LRMDA: variants seen among roughly 807,000 people sequenced by gnomAD.
The protein encoded by LRMDA is leucine rich melanocyte differentiation associated, also known as leucine-rich melanocyte differentiation-associated protein.
LRMDA carries 18 observed loss-of-function variants against 29.8 expected under a neutral mutation model. The ratio of observed to expected loss-of-function variants is 0.60; its 90% CI spans 0.42 to 0.90. LRMDA has a LOEUF of 0.90. Ranked by LOEUF, LRMDA falls within the 40% of genes least tolerant of loss-of-function variation. The pLI is 0.00. For missense variants in LRMDA, 273 were observed against 273.9 expected, an observed-to-expected ratio of 1.00 and a Z score of 0.02; for synonymous variants, 125 against 109.4, an observed-to-expected ratio of 1.14 and a Z score of -0.89.
At chr10:76,484,876 T>A (rs2132329864) in intron 6 of LRMDA, among the ~76,000 whole-genome samples, 1 of 152,004 alleles carries the variant, frequency 6.6e-6, no homozygotes, top group Non-Finnish European at 1.5e-5. Context: ...GAGAATTCAC[T>A]CTTTTACCAT....
At chr10:76,110,658 T>A (rs1849562333) in intron 5 of LRMDA, among the ~76,000 whole-genome samples, 1 of 152,184 alleles carries the variant, frequency 6.6e-6, no homozygotes, top group Non-Finnish European at 1.5e-5. Flanking sequence ...CCTCATGAGA[T>A]CTGATGGTTT....
intron 2 of LRMDA, among the ~76,000 whole-genome samples, chr10:75,527,907 C>T (rs1845432060): frequency 6.6e-6 from 1 of 151,866 alleles, no homozygotes; most frequent in Admixed American, 6.6e-5. Flanking sequence ...TTCGGCCTCC[C>T]AAGGAACTTA....
rs865793625 is a variant in LRMDA at position 76,243,151 on chromosome 10, G to A, written c.517-81250G>A. On this transcript the variant is annotated intron_variant, in intron 5 of 6. Coordinates refer to ENST00000611255, the MANE Select transcript of LRMDA (RefSeq NM_001305581.2). ...CCAGTGATTCTCCCGTCCGTATCAC[G>A]ACAAGCCTCGGAGTGAACTGTTTAT... Among the ~76,000 whole-genome samples, 10 of 152,248 alleles carry A rather than the reference G, an allele frequency of 6.6e-5. 1 individual carries two copies. The highest frequency in any genetic ancestry group is 6.8e-3 in the Middle Eastern group (2 of 294).
intron 6 of LRMDA, among the ~76,000 whole-genome samples, chr10:76,371,144 T>G (rs915454071): frequency 6.6e-6 from 1 of 152,170 alleles, no homozygotes; most frequent in African/African-American, 2.4e-5. Flanking sequence ...TTTCAGACAT[T>G]AGATAAGTCA....
At chr10:76,466,418 C>T (rs1024463069) in intron 6 of LRMDA, among the ~76,000 whole-genome samples, 2 of 151,902 alleles carry the variant, frequency 1.3e-5, no homozygotes, top group African/African-American at 2.4e-5. Flanking sequence ...TGTCCGCTGG[C>T]AAAAAAGAAG....
At chr10:76,317,735 A>G (rs1840718231) in intron 5 of LRMDA, among the ~76,000 whole-genome samples, 1 of 152,050 alleles carries the variant, frequency 6.6e-6, no homozygotes, top group Admixed American at 6.6e-5. Flanking sequence ...CACCACACCC[A>G]GCTAATTTTT....
At chr10:76,306,281 A>G (rs976055229) in intron 5 of LRMDA, among the ~76,000 whole-genome samples, 1 of 152,262 alleles carries the variant, frequency 6.6e-6, no homozygotes, top group African/African-American at 2.4e-5. Context: ...ATCCTGATAT[A>G]GACACTGAGA....
chr10:76,251,852 G>T (rs1343917542), intron 5 of LRMDA, among the ~76,000 whole-genome samples: 1 of 152,166 alleles, frequency 6.6e-6, no homozygotes, highest in Non-Finnish European at 1.5e-5. Context: ...TGCCGTGAGG[G>T]CTGTAAACAG....
At chr10:76,159,247 A>G (rs533544613) in intron 5 of LRMDA, among the ~76,000 whole-genome samples, 1 of 152,286 alleles carries the variant, frequency 6.6e-6, no homozygotes, top group African/African-American at 2.4e-5. Context: ...CCATGTTTGG[A>G]CCCTATTTTG....
In LRMDA at chr10:76,458,125, CA is replaced by C. The variant is rs66952051; in HGVS notation, c.602-99070del. ...TTTTCTTTCACACTCCTAGTGCTTT[CA>C]AAAAAAAAAAAAACTTGGCTGTTTA... On this transcript the variant is annotated intron_variant, in intron 6 of 6. Transcript: ENST00000611255. Among the ~76,000 whole-genome samples, 320 of 140,106 alleles carry C rather than the reference CA, an allele frequency of 2.3e-3. 1 individual carries two copies. The highest frequency in any genetic ancestry group is 7.7e-3 in the Middle Eastern group (2 of 260). The allele number at this position is 140,106 out of a possible 152,430, so 91.9% of individuals were successfully genotyped here.
At chr10:76,112,539 C>T (rs1849597938) in intron 5 of LRMDA, among the ~76,000 whole-genome samples, 1 of 152,240 alleles carries the variant, frequency 6.6e-6, no homozygotes, top group Admixed American at 6.5e-5. Flanking sequence ...GCGCCTGACC[C>T]CAAGCCCGTC....
intron 2 of LRMDA, among the ~76,000 whole-genome samples, chr10:75,709,840 T>C (rs1244893160): frequency 6.6e-6 from 1 of 152,154 alleles, no homozygotes. Context: ...GGAATATGGA[T>C]TTGAGTGCTA....
intron 2 of LRMDA, among the ~76,000 whole-genome samples, chr10:75,440,596 TG>T (rs1844315129): frequency 6.6e-6 from 1 of 152,068 alleles, no homozygotes; most frequent in African/African-American, 2.4e-5. Flanking sequence ...TTTACCTAAT[TG>T]GAGGGAAGAG....
At chr10:75,837,567 T>C (rs1844462173) in intron 2 of LRMDA, among the ~76,000 whole-genome samples, 1 of 152,186 alleles carries the variant, frequency 6.6e-6, no homozygotes, top group African/African-American at 2.4e-5. Context: ...AGGACACATG[T>C]GGATTTGAAG....
At chr10:76,077,896 T>C (rs1848984276) in intron 5 of LRMDA, among the ~76,000 whole-genome samples, 2 of 151,496 alleles carry the variant, frequency 1.3e-5, no homozygotes, top group South Asian at 2.1e-4. Context: ...TGAAAGAAGA[T>C]GGTTTAGGTC....
At chr10:76,195,188 A>T (rs1203921798) in intron 5 of LRMDA, among the ~76,000 whole-genome samples, 1 of 152,220 alleles carries the variant, frequency 6.6e-6, no homozygotes, top group Non-Finnish European at 1.5e-5. Context: ...ATGTTGGTGA[A>T]ACAAAGGCTT....
intron 5 of LRMDA, among the ~76,000 whole-genome samples, chr10:76,081,503 T>C (rs566563000): frequency 6.6e-6 from 1 of 152,328 alleles, no homozygotes; most frequent in African/African-American, 2.4e-5. Context: ...TGTACATTTA[T>C]ATAAAATCAG....
intron 2 of LRMDA, among the ~76,000 whole-genome samples, chr10:75,999,559 C>G (rs2132467511): frequency 6.6e-6 from 1 of 152,268 alleles, no homozygotes; most frequent in Non-Finnish European, 1.5e-5. Context: ...TCCAATGTGC[C>G]TCTAGTTCCT....
chr10:75,842,784 T>C (rs1844563479), intron 2 of LRMDA, among the ~76,000 whole-genome samples: 1 of 151,920 alleles, frequency 6.6e-6, no homozygotes. Context: ...TGCCAGCACT[T>C]TGGGAGGCCA....
Sources: allele counts gnomAD v4.1 joint callset (sites outside exome capture counted in the v4.1 genomes callset), GRCh38; gene constraint gnomAD v4.1.1; transcripts MANE v1.5; gene names NCBI Gene and HGNC (gene_info 2026-07-23, HGNC 2026-07-21).